Variants in PRKG1 observed in about 807,000 individuals in gnomAD.
PRKG1 encodes protein kinase cGMP-dependent 1.
In PRKG1, 35 loss-of-function variants were observed where a neutral mutation model predicts 88.1. The ratio of observed to expected loss-of-function variants is 0.40; its 90% CI spans 0.30 to 0.53. The LOEUF is 0.53. PRKG1 is among the 20% of genes least tolerant of loss of function. The probability of loss-of-function intolerance (pLI) is 0.59; values close to 1 mark genes in which losing one functional copy is unlikely to be tolerated. For synonymous variants in PRKG1, 303 were observed against 292.5 expected, an observed-to-expected ratio of 1.04 and a Z score of -0.37; for missense variants, 540 against 839.8, an observed-to-expected ratio of 0.64 and a Z score of 4.41.
rs1842777832 is a variant in PRKG1, at chr10:50,991,289, T to TCCGCTGCCGGCTGCCGTCCCAG, written c.-85_-64dup. On this transcript the variant is annotated 5_prime_UTR_variant, in exon 1 of 18. Transcript: ENST00000401604. This position sits in a 1 kb window ranked among gnomAD's most constrained non-coding sequence, Gnocchi z 4.5. The stretch of plus-strand genomic sequence containing the variant: ...CCCATTCACTCGCTCACCCGCGCTC[T>TCCGCTGCCGGCTGCCGTCCCAG]CCGCTGCCGGCTGCCGTCCCAGCCG... 11 of 1,452,516 alleles carry TCCGCTGCCGGCTGCCGTCCCAG rather than the reference T, an allele frequency of 7.6e-6. No individual in the cohort carries two copies. The highest frequency in any genetic ancestry group is 1.6e-5 in the African/African-American group (1 of 63,632). The allele number at this position is 1,452,516 out of a possible 1,614,324, so 90.0% of individuals were successfully genotyped here.
chr10:51,127,758 C>A (rs1459682780), intron 1 of PRKG1, among the ~76,000 whole-genome samples: 1 of 152,166 alleles, frequency 6.6e-6, no homozygotes, highest in Non-Finnish European at 1.5e-5. Flanking sequence ...TACATATACA[C>A]CATAGAATGC....
chr10:52,213,552 C>T (rs1840036314), intron 9 of PRKG1, among the ~76,000 whole-genome samples: 1 of 152,160 alleles, frequency 6.6e-6, no homozygotes, highest in Non-Finnish European at 1.5e-5. Flanking sequence ...ATAGGATGTG[C>T]TTTGTTGCTC....
intron 3 of PRKG1, among the ~76,000 whole-genome samples, chr10:51,749,263 T>G (rs1837657385): frequency 6.6e-6 from 1 of 152,238 alleles, no homozygotes; most frequent in Non-Finnish European, 1.5e-5. Flanking sequence ...CAGCTCAGAC[T>G]GTTATAACAA....
chr10:51,716,958 A>G (rs1841901360), intron 3 of PRKG1, among the ~76,000 whole-genome samples: 2 of 152,168 alleles, frequency 1.3e-5, no homozygotes, highest in Non-Finnish European at 2.9e-5. Context: ...TTGACCTCCC[A>G]AAGTGCTGGG....
At chr10:52,004,348 C>T (rs1382649063) in intron 5 of PRKG1, among the ~76,000 whole-genome samples, 1 of 152,150 alleles carries the variant, frequency 6.6e-6, no homozygotes, top group Non-Finnish European at 1.5e-5. Flanking sequence ...ATAATAATGT[C>T]AACTGCATGT....
intron 5 of PRKG1, among the ~76,000 whole-genome samples, chr10:52,030,944 T>G (rs1845460405): frequency 6.6e-6 from 1 of 152,204 alleles, no homozygotes; most frequent in African/African-American, 2.4e-5. Flanking sequence ...TTTATTACAT[T>G]ATAATACAAC....
chr10:50,995,509 T>G (rs1564565490), intron 1 of PRKG1, among the ~76,000 whole-genome samples: 5 of 152,220 alleles, frequency 3.3e-5, no homozygotes, highest in Non-Finnish European at 7.3e-5. Context: ...CAAGCTGTTT[T>G]GGATGATGGT....
intron 1 of PRKG1, among the ~76,000 whole-genome samples, chr10:51,075,284 C>T (rs1045756740): frequency 3.3e-5 from 5 of 152,202 alleles, no homozygotes; most frequent in African/African-American, 1.2e-4. Context: ...CTGGAAAATC[C>T]TAAATGCAGG....
intron 9 of PRKG1, among the ~76,000 whole-genome samples, chr10:52,229,194 C>T (rs1336606479): frequency 6.6e-6 from 1 of 152,088 alleles, no homozygotes; most frequent in Non-Finnish European, 1.5e-5. Context: ...CCCCAATAAA[C>T]ATTACTCAAA....
At chr10:52,172,178 TAAG>T (rs1296216332) in intron 9 of PRKG1, among the ~76,000 whole-genome samples, 5 of 152,226 alleles carry the variant, frequency 3.3e-5, no homozygotes, top group Admixed American at 2.6e-4. Flanking sequence ...ACTCTCTAGG[TAAG>T]AAGACTTTAT....
intron 1 of PRKG1, among the ~76,000 whole-genome samples, chr10:51,094,557 T>G (rs1430437561): frequency 6.6e-6 from 1 of 152,132 alleles, no homozygotes; most frequent in Non-Finnish European, 1.5e-5. Context: ...TTTTTTTTCT[T>G]TCAGGTTTTT....
chr10:52,103,053 C>G (rs150364626), intron 7 of PRKG1, among the ~76,000 whole-genome samples: 1 of 152,260 alleles, frequency 6.6e-6, no homozygotes, highest in Non-Finnish European at 1.5e-5. Flanking sequence ...TATAGGAGCA[C>G]AAACCCTATT....
chr10:52,012,807 T>C (rs1844926470), intron 5 of PRKG1, among the ~76,000 whole-genome samples: 1 of 152,252 alleles, frequency 6.6e-6, no homozygotes, highest in African/African-American at 2.4e-5. Flanking sequence ...GATCAAGTAC[T>C]GTTCTAAATG....
intron 5 of PRKG1, among the ~76,000 whole-genome samples, chr10:51,986,630 C>G (rs1335939210): frequency 6.6e-6 from 1 of 152,152 alleles, no homozygotes; most frequent in Non-Finnish European, 1.5e-5. Context: ...ATCACCTGCT[C>G]CAACATGAAC....
chr10:52,050,066 T>TGTG (rs1383842215), intron 5 of PRKG1, among the ~76,000 whole-genome samples: 2 of 151,866 alleles, frequency 1.3e-5, no homozygotes, highest in Non-Finnish European at 2.9e-5. Context: ...TTCATGTGTG[T>TGTG]GTGGTGGTGG....
At chr10:51,394,365 G>A (rs1444228455) in intron 2 of PRKG1, among the ~76,000 whole-genome samples, 1 of 152,222 alleles carries the variant, frequency 6.6e-6, no homozygotes, top group Admixed American at 6.5e-5. Flanking sequence ...GCACAGCGTG[G>A]CAACTGGGTT....
Position 51,562,914 on chromosome 10 carries a change from G to A in PRKG1, c.592+95078G>A, listed in dbSNP as rs192696362. ...CTCCTGAGTAGCTGAGACTACAGGT[G>A]CATGCCACCATGCCCAGCTATTTTT... On this transcript the variant is annotated intron_variant, in intron 3 of 17. Transcript: ENST00000373980. Among the ~76,000 whole-genome samples, 1,007 of 151,674 alleles carry A rather than the reference G, an allele frequency of 6.6e-3. 6 individuals are homozygous for A. Among genetic ancestry groups the A allele is most frequent in the Non-Finnish European group, 8.1e-3 (550 of 67,918 alleles).
chr10:51,191,703 G>A (rs970398791), intron 2 of PRKG1, among the ~76,000 whole-genome samples: 1 of 151,636 alleles, frequency 6.6e-6, no homozygotes, highest in African/African-American at 2.4e-5. Flanking sequence ...ATCAAACTGA[G>A]GCTTAGAGGT....
chr10:51,501,920 C>T (rs988613678), intron 3 of PRKG1, among the ~76,000 whole-genome samples: 3 of 149,538 alleles, frequency 2.0e-5, no homozygotes, highest in African/African-American at 7.4e-5. Flanking sequence ...AAGAAGGTAT[C>T]TGTGGGTAGG....
Sources: gnomAD v4.1 joint callset for allele counts (sites outside exome capture counted in the v4.1 genomes callset) on GRCh38, gnomAD v4.1.1 for gene constraint, Gnocchi (gnomAD v3.1) non-coding constraint, MANE v1.5 for transcripts, NCBI Gene and HGNC (gene_info 2026-07-23, HGNC 2026-07-21) for gene names.